TRPM7: variants seen among roughly 807,000 people sequenced by gnomAD.
The protein encoded by TRPM7 is transient receptor potential cation channel subfamily M member 7, also known as LTRPC ion channel family member 7.
Under a neutral mutation model 229.7 loss-of-function variants are expected in TRPM7, and 134 were observed. The ratio of observed to expected loss-of-function variants is 0.58; its 90% CI spans 0.51 to 0.67. The LOEUF is 0.67. Ranked by LOEUF, TRPM7 falls within the 30% of genes least tolerant of loss-of-function variation. The probability of loss-of-function intolerance (pLI) is 0.00; values close to 1 mark genes in which losing one functional copy is unlikely to be tolerated. For synonymous variants in TRPM7, 699 were observed against 715.2 expected, an observed-to-expected ratio of 0.98 and a Z score of 0.36; for missense variants, 1,901 against 2,210.0, an observed-to-expected ratio of 0.86 and a Z score of 2.80.
chr15:50,631,612 T>C, intron 9 of TRPM7, 123 bp from the exon 10 acceptor site: 2 of 514,686 alleles, frequency 3.9e-6, no homozygotes, highest in Non-Finnish European at 7.0e-6. Flanking sequence ...GGAATCTATG[T>C]ATTATGTATA....
In TRPM7 at chr15:50,686,758, C is replaced by T. The variant is rs1228055182; in HGVS notation, c.-225G>A. 8.1e-6 allele frequency: 4 copies of T among 493,528 alleles called. No individual in the cohort carries two copies. Among genetic ancestry groups the T allele is most frequent in the Admixed American group, 8.4e-5 (2 of 23,686 alleles). The allele number at this position is 493,528 out of a possible 1,614,324, so 30.6% of individuals were successfully genotyped here. On this transcript the variant is annotated 5_prime_UTR_variant, in exon 1 of 39. Coordinates refer to ENST00000646667, the MANE Select transcript of TRPM7 (RefSeq NM_017672.6). ...TCCTCCGGGTGACTGGCCACAGGGA[C>T]GCGCCCGCGCCCGCCTCCGCCGGCG...
chr15:50,587,297 T>G (rs1426090435), intron 27 of TRPM7, among the ~76,000 whole-genome samples: 1 of 152,072 alleles, frequency 6.6e-6, no homozygotes, highest in Non-Finnish European at 1.5e-5. Flanking sequence ...TCAAATTTCT[T>G]TTGACTATGT....
intron 20 of TRPM7, 73 bp from the exon 21 acceptor site, chr15:50,605,217 T>C: frequency 3.3e-6 from 4 of 1,217,042 alleles, no homozygotes; most frequent in African/African-American, 1.5e-5. Flanking sequence ...CATTCAACTA[T>C]AACATTACAG....
In TRPM7 at chr15:50,628,264, A is replaced by G. The variant is rs2140623704; in HGVS notation, c.1205-15T>C. On this transcript the variant is annotated splice_polypyrimidine_tract_variant and intron_variant, in intron 10 of 38. Coordinates refer to ENST00000646667, the MANE Select transcript of TRPM7 (RefSeq NM_017672.6). ...TGCATTAGTACCTAATCGAATAAAG[A>G]AAATAGTTGACAGGTTCAATTAATT... 16 of 1,557,564 alleles carry G rather than the reference A, an allele frequency of 1.0e-5. No homozygotes were observed. The highest frequency in any genetic ancestry group is 1.3e-5 in the Non-Finnish European group (15 of 1,136,136).
chr15:50,658,112 C>A (rs549351552), intron 2 of TRPM7, among the ~76,000 whole-genome samples: 1 of 151,718 alleles, frequency 6.6e-6, no homozygotes, highest in East Asian at 1.9e-4. Flanking sequence ...TCACACCACT[C>A]TCCTGCCTCA....
rs1420095155 is a variant in TRPM7 at position 50,587,418 on chromosome 15, T to TTTC, written c.4390-931_4390-930insGAA. On this transcript the variant is annotated intron_variant, in intron 27 of 38. Transcript: ENST00000646667. Reference sequence around the variant, plus strand: ...CAATAAATACTGCTTTTTTTTTTTTTTTTTTTGAGATGGAGTCTTGCTCCA... The same window carrying TTTC: ...CAATAAATACTGCTTTTTTTTTTTTTTTCTTTTTTGAGATGGAGTCTTGCTCCA... 2.0e-5 allele frequency among the ~76,000 whole-genome samples: 3 copies of TTTC among 147,176 alleles called. No individual in the cohort carries two copies. In the East Asian group the frequency reaches 6.0e-4, roughly 29 times the overall value.
intron 11 of TRPM7, among the ~76,000 whole-genome samples, 191 bp from the exon 12 acceptor site, chr15:50,624,491 GAAC>G (rs1392709635): frequency 2.6e-5 from 4 of 152,112 alleles, no homozygotes; most frequent in Non-Finnish European, 4.4e-5. Flanking sequence ...GACCTCTCTA[GAAC>G]AACGTTTCTT....
intron 13 of TRPM7, among the ~76,000 whole-genome samples, chr15:50,614,722 T>A (rs1322670767): frequency 5.4e-5 from 8 of 148,498 alleles, no homozygotes; most frequent in Admixed American, 4.0e-4. Context: ...AGCTAAGCTA[T>A]CTTTACAGAA....
At chr15:50,630,518 G>T (rs1213112750) in intron 10 of TRPM7, among the ~76,000 whole-genome samples, 1 of 129,014 alleles carries the variant, frequency 7.8e-6, no homozygotes, top group African/African-American at 2.6e-5. Context: ...AAGAGGATCA[G>T]TGTGTGTGTG....
At position 50,592,285 on chromosome 15, in the gene TRPM7, A is replaced by G. The variant is rs778287129; in HGVS notation, c.3950T>C (p.Ile1317Thr). ...GGGATCTTTGTCATCTTTCATTAAA[A>G]TATTACAATGAAAAGGATTATTACT... ...LESNNPFHCN[I>T]LMKDDKDPQC... The change falls in exon 26 of 39, where the codon ATT becomes ACT. Residue 1317 changes from isoleucine (I) to threonine (T), a missense_variant. Ile to Thr is a moderately conservative substitution (Grantham distance 89). Coordinates refer to ENST00000646667, the MANE Select transcript of TRPM7 (RefSeq NM_017672.6). The G allele has an allele frequency of 7.4e-6, 12 of 1,613,864 alleles. No individual in the cohort carries two copies. In the South Asian group the frequency reaches 1.2e-4, roughly 16 times the overall value.
chr15:50,664,213 G>T (rs764341674), intron 1 of TRPM7, among the ~76,000 whole-genome samples: 23 of 150,114 alleles, frequency 1.5e-4, no homozygotes, highest in Non-Finnish European at 2.8e-4. Flanking sequence ...CAGGAGAATC[G>T]CTTGAACCAG....
rs200458245 is a variant in TRPM7 at position 50,639,548 on chromosome 15, C to A, written c.536G>T (p.Gly179Val). The change falls in exon 6 of 39, where the codon GGT becomes GTT. Residue 179 changes from glycine (G) to valine (V), a missense_variant and splice_region_variant. Transcript: ENST00000646667. ...AWILTGGVNT[G>V]VAKHVGDALK... ...GGCATCTCCAACATGTTTTGCCACA[C>A]CTGTTCATAAAAAAAGTTTATTCAT... 138 of 1,597,306 alleles carry A rather than the reference C, an allele frequency of 8.6e-5. No homozygotes were observed. The highest frequency in any genetic ancestry group is 1.1e-4 in the Non-Finnish European group (133 of 1,174,156).
intron 5 of TRPM7, among the ~76,000 whole-genome samples, chr15:50,639,967 AC>A (rs1257174452): frequency 7.9e-5 from 12 of 152,182 alleles, no homozygotes; most frequent in African/African-American, 2.9e-4. Context: ...ATACACAAGG[AC>A]CAAAAAGGAA....
chr15:50,604,826 C>T (rs768006325), intron 21 of TRPM7, 40 bp downstream of exon 21: 2 of 1,501,792 alleles, frequency 1.3e-6, no homozygotes, highest in Non-Finnish European at 1.8e-6. Flanking sequence ...TTTAAAAAAT[C>T]AATAAACCCA....
chr15:50,601,279 T>C (rs547926222), intron 21 of TRPM7, among the ~76,000 whole-genome samples: 3 of 152,364 alleles, frequency 2.0e-5, no homozygotes, highest in Non-Finnish European at 4.4e-5. Flanking sequence ...ACCACTTTCC[T>C]TGTGCTTGAT....
chr15:50,593,518 T>G, intron 25 of TRPM7, 99 bp downstream of exon 25: 1 of 1,293,686 alleles, frequency 7.7e-7, no homozygotes, highest in Non-Finnish European at 1.1e-6. Flanking sequence ...CTATGCTTAT[T>G]GTTTGACAAA....
chr15:50,574,880 T>C lies in TRPM7; in HGVS notation c.4991A>G (p.Glu1664Gly). 5 of 1,613,068 alleles carry C rather than the reference T, an allele frequency of 3.1e-6. No homozygotes were observed. Among genetic ancestry groups the C allele is most frequent in the Non-Finnish European group, 4.2e-6 (5 of 1,179,262 alleles). The change falls in exon 34 of 39, where the codon GAA becomes GGA. Residue 1664 changes from glutamate (E) to glycine (G), a missense_variant. By Grantham distance (98) the Glu-to-Gly change is moderately conservative (BLOSUM62 -2). This residue lies in a region of TRPM7 where 257 missense variants were observed against 352.0 expected (regional missense o/e 0.73). Transcript: ENST00000646667. ...VVNTWSSIYKEDTVLHLCLRE... is the reference protein window; with the variant it reads ...VVNTWSSIYKGDTVLHLCLRE... ...CAGACAGAGATGCAGAACTGTATCTTCTTTGTAAATACTTGACCATGTATT... is the reference window on the plus strand; with the variant it reads ...CAGACAGAGATGCAGAACTGTATCTCCTTTGTAAATACTTGACCATGTATT...
At position 50,567,147 on chromosome 15, in the gene TRPM7, T is replaced by C. The variant is rs185304186; in HGVS notation, c.5467+2740A>G. On this transcript the variant is annotated intron_variant, in intron 38 of 38. Coordinates refer to ENST00000646667, the MANE Select transcript of TRPM7 (RefSeq NM_017672.6). ...ATCTCTATTAAAGAAATTAAATGCTTAGTTTATTTTTTTATTTTTTATTTT... is the reference window on the plus strand; with the variant it reads ...ATCTCTATTAAAGAAATTAAATGCTCAGTTTATTTTTTTATTTTTTATTTT... 3.7e-3 allele frequency among the ~76,000 whole-genome samples: 562 copies of C among 152,166 alleles called. 14 individuals are homozygous for C. Among genetic ancestry groups the C allele is most frequent in the East Asian group, 5.2e-3 (27 of 5,192 alleles).
At position 50,575,928 on chromosome 15, in the gene TRPM7, G is replaced by A. The variant is rs780209829; in HGVS notation, c.4619-9C>T. 6 of 1,612,420 alleles carry A rather than the reference G, an allele frequency of 3.7e-6. No individual in the cohort carries two copies. In the Admixed American group the frequency reaches 6.7e-5, roughly 18 times the overall value. ...AAATGGAGAAGTGAGACCTAGAATG[G>A]CAAATAAACAAACGAGACCATTTAA... On this transcript the variant is annotated splice_polypyrimidine_tract_variant and intron_variant, in intron 31 of 38. Transcript: ENST00000646667.
Sources: gnomAD v4.1 joint callset for allele counts (sites outside exome capture counted in the v4.1 genomes callset) on GRCh38, gnomAD v4.1.1 for gene constraint, gnomAD v4.1.1 regional missense constraint, MANE v1.5 for transcripts, NCBI Gene and HGNC (gene_info 2026-07-23, HGNC 2026-07-21) for gene names.